XRCC4: variants seen among roughly 807,000 people sequenced by gnomAD.
XRCC4 encodes X-ray repair cross complementing 4, also known as DNA repair protein XRCC4.
Under a neutral mutation model 39.1 loss-of-function variants are expected in XRCC4, and 28 were observed. The observed-to-expected ratio is 0.72, with a 90% CI of 0.53 to 0.98. The LOEUF (loss-of-function observed/expected upper bound fraction) is 0.98. Ranked by LOEUF, XRCC4 falls within the 50% of genes least tolerant of loss-of-function variation. The pLI, the probability that XRCC4 is intolerant of heterozygous loss-of-function variation, is 0.00. For synonymous variants in XRCC4, 123 were observed against 126.4 expected, an observed-to-expected ratio of 0.97 and a Z score of 0.18; for missense variants, 350 against 376.4, an observed-to-expected ratio of 0.93 and a Z score of 0.58.
chr5:83,191,569 CCA>C (rs1561392923), intron 3 of XRCC4, among the ~76,000 whole-genome samples: 54 of 152,096 alleles, frequency 3.6e-4, no homozygotes, highest in African/African-American at 1.3e-3. Flanking sequence ...GCATGGTGGC[CCA>C]CCCCTGTAAT....
chr5:83,289,922 G>T (rs1384805172), intron 7 of XRCC4, among the ~76,000 whole-genome samples: 1 of 151,758 alleles, frequency 6.6e-6, no homozygotes, highest in African/African-American at 2.4e-5. Context: ...AAAATCTGGT[G>T]GTGTTCCTGG....
rs748385592 is a variant in XRCC4, at chr5:83,087,798, A to G, written c.-11+10183A>G. ...TAGTAATTTACTCTTTTTTTGGTGTATGTCTCTTCTTTATTTGGTTTGGAG... is the reference window on the plus strand; with the variant it reads ...TAGTAATTTACTCTTTTTTTGGTGTGTGTCTCTTCTTTATTTGGTTTGGAG... On this transcript the variant is annotated intron_variant, in intron 1 of 7. Coordinates refer to ENST00000396027, the MANE Select transcript of XRCC4 (RefSeq NM_003401.5). Among the ~76,000 whole-genome samples, 16 of 151,948 alleles carry G rather than the reference A, an allele frequency of 1.1e-4. 1 individual carries two copies. Among genetic ancestry groups the G allele is most frequent in the Admixed American group, 6.6e-5 (1 of 15,254 alleles).
chr5:83,298,864 ACTTC>A (rs1361286323), intron 7 of XRCC4, among the ~76,000 whole-genome samples: 1 of 151,740 alleles, frequency 6.6e-6, no homozygotes, highest in Non-Finnish European at 1.5e-5. Context: ...AGCTCCCTTA[ACTTC>A]CTTTAATTCC....
At chr5:83,188,357 G>A (rs1006081309) in intron 3 of XRCC4, among the ~76,000 whole-genome samples, 1 of 152,020 alleles carries the variant, frequency 6.6e-6, no homozygotes, top group African/African-American at 2.4e-5. Context: ...GCTTGGCAGG[G>A]CTGTGGTGCC....
chr5:83,374,391 G>A, the XRCC4 span, among the ~76,000 whole-genome samples: 3 of 152,136 alleles, frequency 2.0e-5, no homozygotes, highest in Admixed American at 6.5e-5. Flanking sequence ...TGAGACGTGC[G>A]TTTTGCCTTC....
At chr5:83,343,496 C>T (rs991644849) in intron 7 of XRCC4, among the ~76,000 whole-genome samples, 2 of 152,256 alleles carry the variant, frequency 1.3e-5, no homozygotes, top group Admixed American at 6.5e-5. Context: ...GGGTGAGACT[C>T]ATTAGCCTAA....
intron 6 of XRCC4, among the ~76,000 whole-genome samples, chr5:83,223,386 G>A (rs1033702283): frequency 6.6e-6 from 1 of 151,918 alleles, no homozygotes; most frequent in African/African-American, 2.4e-5. Context: ...ATATATTTGG[G>A]TGCTGTGGTG....
intron 7 of XRCC4, among the ~76,000 whole-genome samples, chr5:83,303,560 A>T (rs1189611759): frequency 1.3e-5 from 2 of 152,204 alleles, no homozygotes; most frequent in Non-Finnish European, 2.9e-5. Context: ...CAATTCTTCC[A>T]AATTGTAAAA....
intron 3 of XRCC4, among the ~76,000 whole-genome samples, chr5:83,127,218 A>T (rs895462171): frequency 1.3e-5 from 2 of 152,082 alleles, no homozygotes; most frequent in Non-Finnish European, 2.9e-5. Context: ...CTATGGTCTG[A>T]ATATGTCTCC....
intron 1 of XRCC4, among the ~76,000 whole-genome samples, chr5:83,086,590 T>G (rs1233202656): frequency 6.6e-6 from 1 of 151,970 alleles, no homozygotes; most frequent in East Asian, 1.9e-4. Flanking sequence ...TTGCTGTCTC[T>G]GGGCTGGCAG....
intron 1 of XRCC4, among the ~76,000 whole-genome samples, chr5:83,096,329 A>G (rs1745675878): frequency 6.6e-6 from 1 of 151,974 alleles, no homozygotes; most frequent in South Asian, 2.1e-4. Flanking sequence ...GGGGGGCTGG[A>G]GCTGAATTAT....
At position 83,205,297 on chromosome 5, in the gene XRCC4, G is replaced by A. The variant is rs1056773573; in HGVS notation, c.745+376G>A. Among the ~76,000 whole-genome samples, 8 of 152,084 alleles carry A rather than the reference G, an allele frequency of 5.3e-5. No individual in the cohort carries two copies. The East Asian group carries it at 1.5e-3, about 29-fold the overall frequency. ...TAGCTAAAGCCATGAATAGGCCACTGGAGCAGAGTAATCAAGAATGCTCTA... is the reference window on the plus strand; with the variant it reads ...TAGCTAAAGCCATGAATAGGCCACTAGAGCAGAGTAATCAAGAATGCTCTA... On this transcript the variant is annotated intron_variant, in intron 6 of 7. Coordinates refer to ENST00000396027, the MANE Select transcript of XRCC4 (RefSeq NM_003401.5).
intron 6 of XRCC4, among the ~76,000 whole-genome samples, chr5:83,235,438 G>A (rs898128907): frequency 4.0e-5 from 6 of 150,578 alleles, no homozygotes; most frequent in African/African-American, 7.3e-5. Flanking sequence ...GTGGTATGTT[G>A]TATCAACAAA....
At chr5:83,239,841 A>T (rs557445227) in intron 6 of XRCC4, among the ~76,000 whole-genome samples, 15 of 151,526 alleles carry the variant, frequency 9.9e-5, no homozygotes, top group African/African-American at 3.4e-4. Context: ...AAAAAAAAAA[A>T]ATATTTTTCC....
intron 6 of XRCC4, among the ~76,000 whole-genome samples, chr5:83,255,094 GAA>G (rs935722919): frequency 2.2e-5 from 3 of 134,872 alleles, no homozygotes; most frequent in Non-Finnish European, 4.9e-5. Context: ...TCTCAAAAAA[GAA>G]AAAAAAAAAG....
intron 3 of XRCC4, among the ~76,000 whole-genome samples, chr5:83,137,971 C>T (rs76319702): frequency 6.6e-6 from 1 of 152,074 alleles, no homozygotes; most frequent in African/African-American, 2.4e-5. Context: ...AGTATCTAGG[C>T]CTGACTCTTG....
chr5:83,283,407 G>A (rs926328600), intron 7 of XRCC4, among the ~76,000 whole-genome samples: 2 of 152,112 alleles, frequency 1.3e-5, no homozygotes, highest in South Asian at 2.1e-4. Context: ...CCTAGTTGGA[G>A]CATTCATCAT....
intron 3 of XRCC4, among the ~76,000 whole-genome samples, chr5:83,184,352 T>C (rs1327341861): frequency 6.6e-6 from 1 of 152,072 alleles, no homozygotes; most frequent in Non-Finnish European, 1.5e-5. Flanking sequence ...TTATTGTCAG[T>C]GTAATAATGC....
intron 3 of XRCC4, among the ~76,000 whole-genome samples, chr5:83,118,075 CACATAT>C (rs148092562): frequency 0.38 from 48,904 of 128,630 alleles, 8,544 homozygotes; most frequent in Non-Finnish European, 0.43. Context: ...CACACACACA[CACATAT>C]GTATATAGTG....
Sources: gnomAD v4.1 joint callset for allele counts (sites outside exome capture counted in the v4.1 genomes callset) on GRCh38, gnomAD v4.1.1 for gene constraint, MANE v1.5 for transcripts, NCBI Gene and HGNC (gene_info 2026-07-23, HGNC 2026-07-21) for gene names.